The following NDRG4 variants were observed in gnomAD, a reference collection of about 807,000 sequenced individuals.
NDRG4 encodes the protein protein NDRG4.
In NDRG4, 38 loss-of-function variants were observed where a neutral mutation model predicts 55.8. That is an observed-to-expected ratio of 0.68 (90% CI 0.53 to 0.89). The LOEUF is 0.89. Among genes scored for constraint, NDRG4 ranks in the 40% least tolerant of loss-of-function variants. NDRG4 has a pLI of 0.00. For missense variants in NDRG4, 455 were observed against 468.6 expected, an observed-to-expected ratio of 0.97 and a Z score of 0.27; for synonymous variants, 190 against 182.7, an observed-to-expected ratio of 1.04 and a Z score of -0.32.
chr16:58,509,368 C>A lies in NDRG4; in HGVS notation c.865+16C>A. On this transcript the variant is annotated intron_variant, in intron 13 of 14. Transcript: ENST00000570248. ...ATGGGCTACAGTGAGTACATTTCCA[C>A]CCCACCCCACACCACCTAGAGACCG... is the stretch of plus-strand genomic sequence containing the variant. The A allele has an allele frequency of 6.2e-7, 1 of 1,612,280 alleles. No homozygotes were observed. The highest frequency in any genetic ancestry group is 1.7e-5 in the Admixed American group (1 of 60,004).
intron 1 of NDRG4, among the ~76,000 whole-genome samples, chr16:58,477,451 C>T (rs768868924): frequency 3.9e-5 from 6 of 152,032 alleles, no homozygotes; most frequent in Non-Finnish European, 5.9e-5. Context: ...CACAAAAGAG[C>T]CACCTTAAGG....
At chr16:58,504,051 AC>A (rs1038768454) in intron 2 of NDRG4, 102 bp from the exon 3 acceptor site, 7 of 1,586,628 alleles carry the variant, frequency 4.4e-6, no homozygotes, top group African/African-American at 4.0e-5. Flanking sequence ...TCCCCGACGG[AC>A]CCGAGGCTTA....
Position 58,464,322 on chromosome 16 carries a change from C to A in NDRG4, c.-24+525C>A, listed in dbSNP as rs2031140743. On this transcript the variant is annotated intron_variant, in intron 1 of 15. Transcript: ENST00000258187. This position sits in a 1 kb window ranked among gnomAD's most constrained non-coding sequence, Gnocchi z 4.8. ...GTGAGCTGCTCCTGCCGCTTCGCTC[C>A]GCGCTCTCCTGCCGCTCCGCTCCGG... 2.0e-6 allele frequency: 2 copies of A among 995,520 alleles called. No homozygotes were observed. Among genetic ancestry groups the A allele is most frequent in the Non-Finnish European group, 2.7e-6 (2 of 747,104 alleles). 61.7% of individuals were successfully genotyped at this position (995,520 alleles called of 1,614,324 possible). A position where few individuals can be genotyped will look rare whatever the true frequency, so the allele number is the denominator to read the frequency against.
intron 2 of NDRG4, among the ~76,000 whole-genome samples, chr16:58,490,699 A>G (rs992269042): frequency 6.6e-6 from 1 of 152,184 alleles, no homozygotes. Flanking sequence ...CATTCCCGCC[A>G]GACATGTTGG....
rs139929186 is a variant in NDRG4 at position 58,477,716 on chromosome 16, C to A, written c.-23-10040C>A. Among the ~76,000 whole-genome samples, 136 of 151,070 alleles carry A rather than the reference C, an allele frequency of 9.0e-4. 1 individual carries two copies. The highest frequency in any genetic ancestry group is 3.0e-3 in the African/African-American group (125 of 41,068). On this transcript the variant is annotated intron_variant, in intron 1 of 15. Transcript: ENST00000258187. The stretch of plus-strand genomic sequence containing the variant: ...AAAGAAAATTATCATTAGGCAACCA[C>A]CAAAGTAATAATTGCTGTAGGCAAG...
rs777227902 is a variant in NDRG4 at position 58,507,964 on chromosome 16, G to C, written c.694G>C (p.Val232Leu). 6.2e-7 allele frequency: 1 copy of C among 1,601,706 alleles called. No homozygotes were observed. The highest frequency in any genetic ancestry group is 8.5e-7 in the Non-Finnish European group (1 of 1,171,970). The change falls in exon 10 of 15, where the codon GTG becomes CTG. Residue 232 changes from valine to leucine, a missense_variant. By Grantham distance (32) the Val-to-Leu change is conservative. Transcript: ENST00000570248. ...AKTLRCPVML[V>L]VGDNAPAEDG... ...TATCTGCAGCTGCCCCGTGATGCTG[G>C]TGGTTGGGGATAATGCACCCGCTGA...
intron 1 of NDRG4, among the ~76,000 whole-genome samples, chr16:58,480,746 A>C (rs140024648): frequency 1.3e-5 from 2 of 152,286 alleles, no homozygotes; most frequent in East Asian, 3.9e-4. Context: ...GTCCTCTGGG[A>C]GATGACAGTA....
In NDRG4 at chr16:58,464,028, G is replaced by C. The variant is rs139602067; in HGVS notation, c.-24+231G>C. 4.0e-3 allele frequency: 710 copies of C among 176,206 alleles called. 3 individuals carry two copies. Among genetic ancestry groups the C allele is most frequent in the African/African-American group, 0.016 (683 of 42,468 alleles). 10.9% of individuals were successfully genotyped at this position (176,206 alleles called of 1,614,324 possible). A position where few individuals can be genotyped will look rare whatever the true frequency, so the allele number is the denominator to read the frequency against. ...GCTCTCCTTCCTCGCCTTCCCGGCC[G>C]CGCTGGGGACCCCCAGCCGCCGTCC... On this transcript the variant is annotated intron_variant, in intron 1 of 15. Coordinates refer to the NDRG4 transcript ENST00000258187. This position sits in a 1 kb window ranked among gnomAD's most constrained non-coding sequence, Gnocchi z 4.8.
intron 6 of NDRG4, 31 bp downstream of exon 6, chr16:58,506,504 A>G (rs1323416215): frequency 6.3e-7 from 1 of 1,596,886 alleles, no homozygotes; most frequent in Non-Finnish European, 8.5e-7. Flanking sequence ...TGGGGTGGGT[A>G]TACCTAGGGT....
exon 3 of NDRG4, chr16:58,494,968 G>A (rs773927743): frequency 6.2e-7 from 1 of 1,613,694 alleles, no homozygotes; most frequent in South Asian, 1.1e-5. Context: ...CCCTAGGAGA[G>A]CTCCGATGCC....
At chr16:58,493,285 T>C (rs191940346) in intron 2 of NDRG4, among the ~76,000 whole-genome samples, 47 of 152,330 alleles carry the variant, frequency 3.1e-4, no homozygotes, top group Admixed American at 1.8e-3. Context: ...TTGTTTGTTT[T>C]TGAGACAGAG....
intron 5 of NDRG4, 114 bp downstream of exon 5, chr16:58,504,763 C>T: frequency 9.5e-7 from 1 of 1,048,988 alleles, no homozygotes; most frequent in South Asian, 1.3e-5. Context: ...GCTCTCGCTT[C>T]TCCTCCTCCC....
chr16:58,467,845 C>T (rs1170247319), intron 1 of NDRG4, among the ~76,000 whole-genome samples: 2 of 152,220 alleles, frequency 1.3e-5, no homozygotes, highest in African/African-American at 4.8e-5. Context: ...TGATGACAGT[C>T]GTGGAGCTGG....
chr16:58,487,918 G>A (rs991723552), intron 2 of NDRG4: 11 of 1,246,374 alleles, frequency 8.8e-6, no homozygotes, highest in Non-Finnish European at 1.2e-5. Flanking sequence ...GAGGGAGACC[G>A]CGTGCCTTTC....
intron 1 of NDRG4, chr16:58,501,034 AC>A (rs1031880727): frequency 2.4e-6 from 3 of 1,242,942 alleles, no homozygotes; most frequent in African/African-American, 3.1e-5. Context: ...GGGCTAGGGG[AC>A]CCCAGGTGGA....
intron 5 of NDRG4, chr16:58,506,032 T>C (rs979223282): frequency 2.6e-6 from 1 of 379,432 alleles, no homozygotes; most frequent in Non-Finnish European, 4.9e-6. Flanking sequence ...AGGGCTTCAT[T>C]CTCTATAAAA....
chr16:58,509,022 T>TC lies in NDRG4; in HGVS notation c.777+17dup, dbSNP rs757651517. The TC allele has an allele frequency of 1.4e-3, 2,228 of 1,614,098 alleles. 5 individuals are homozygous for TC. Among genetic ancestry groups the TC allele is most frequent in the Non-Finnish European group, 1.3e-3 (1,570 of 1,180,012 alleles). On this transcript the variant is annotated intron_variant, in intron 11 of 14. Coordinates refer to ENST00000570248, the MANE Select transcript of NDRG4 (RefSeq NM_001242835.2). ...GACCTTCCTGAAGGTGAGGCTTTCT[T>TC]CCCCAGCCCTGGGCCAGCTTCCCTA... is the stretch of plus-strand genomic sequence containing the variant.
intron 1 of NDRG4, among the ~76,000 whole-genome samples, chr16:58,468,449 G>A (rs908652250): frequency 6.6e-5 from 10 of 152,190 alleles, no homozygotes; most frequent in African/African-American, 2.4e-4. Context: ...GGCCAGAGCA[G>A]TTGTCTCACG....
At chr16:58,469,528 T>G (rs888289908) in intron 1 of NDRG4, among the ~76,000 whole-genome samples, 2 of 152,056 alleles carry the variant, frequency 1.3e-5, no homozygotes, top group African/African-American at 4.8e-5. Context: ...TGTGCAAAGG[T>G]GTTTGTTCAA....
Sources: allele counts gnomAD v4.1 joint callset (sites outside exome capture counted in the v4.1 genomes callset), GRCh38; gene constraint gnomAD v4.1.1; non-coding constraint Gnocchi (gnomAD v3.1); transcripts MANE v1.5; gene names NCBI Gene and HGNC (gene_info 2026-07-23, HGNC 2026-07-21).